The following LRRC4C variants were observed in gnomAD, a reference collection of about 807,000 sequenced individuals.
LRRC4C encodes the protein leucine-rich repeat-containing protein 4C.
A neutral mutation model predicts 33.6 loss-of-function variants in LRRC4C; 5 were observed. That is an observed-to-expected ratio of 0.15 (90% CI 0.08 to 0.31). The LOEUF is 0.31. Among genes scored for constraint, LRRC4C ranks in the 10% least tolerant of loss-of-function variants. LRRC4C has a pLI of 1.00. For missense variants in LRRC4C, 560 were observed against 796.7 expected, an observed-to-expected ratio of 0.70 and a Z score of 3.58; for synonymous variants, 329 against 302.0, an observed-to-expected ratio of 1.09 and a Z score of -0.93.
At chr11:40,913,914 A>G (rs1318336623) in intron 2 of LRRC4C, among the ~76,000 whole-genome samples, 3 of 152,198 alleles carry the variant, frequency 2.0e-5, no homozygotes, top group Non-Finnish European at 4.4e-5. Flanking sequence ...AGAATACTAT[A>G]AACACCTCTA....
intron 3 of LRRC4C, among the ~76,000 whole-genome samples, chr11:40,475,363 A>C (rs1953159634): frequency 6.6e-6 from 1 of 152,136 alleles, no homozygotes; most frequent in Non-Finnish European, 1.5e-5. Flanking sequence ...AGAAAACCAA[A>C]CACCACATAT....
At chr11:41,028,284 A>G (rs1165338824) in intron 1 of LRRC4C, among the ~76,000 whole-genome samples, 1 of 151,626 alleles carries the variant, frequency 6.6e-6, no homozygotes, top group Non-Finnish European at 1.5e-5. Flanking sequence ...AAAATATTCT[A>G]CAAACATTGG....
chr11:40,160,491 A>T (rs1859065017), intron 5 of LRRC4C, among the ~76,000 whole-genome samples: 1 of 152,190 alleles, frequency 6.6e-6, no homozygotes, highest in Non-Finnish European at 1.5e-5. Flanking sequence ...AAAGGTGTCA[A>T]CAAGAAAGCC....
intron 2 of LRRC4C, among the ~76,000 whole-genome samples, chr11:40,767,229 G>C (rs1258825615): frequency 1.3e-4 from 20 of 151,948 alleles, no homozygotes; most frequent in Admixed American, 1.3e-3. Context: ...AAAGACAAAG[G>C]AGGTAATTAT....
At chr11:40,577,286 A>G (rs1247344385) in intron 3 of LRRC4C, among the ~76,000 whole-genome samples, 1 of 152,198 alleles carries the variant, frequency 6.6e-6, no homozygotes, top group African/African-American at 2.4e-5. Flanking sequence ...GCTTCTAGTC[A>G]CTGTACTACA....
intron 3 of LRRC4C, among the ~76,000 whole-genome samples, chr11:40,641,800 G>A (rs1942136112): frequency 6.6e-6 from 1 of 152,180 alleles, no homozygotes; most frequent in South Asian, 2.1e-4. Flanking sequence ...GTGCTGGAGA[G>A]TTTGTTAGCT....
intron 2 of LRRC4C, among the ~76,000 whole-genome samples, chr11:40,921,887 T>C (rs1210217037): frequency 6.6e-6 from 1 of 152,166 alleles, no homozygotes; most frequent in African/African-American, 2.4e-5. Flanking sequence ...ACTCAACAAT[T>C]TGTAGGTTCC....
At chr11:40,800,928 T>C (rs1951015030) in intron 2 of LRRC4C, among the ~76,000 whole-genome samples, 1 of 152,142 alleles carries the variant, frequency 6.6e-6, no homozygotes, top group Non-Finnish European at 1.5e-5. Context: ...GACCATCACA[T>C]CATAATCTTG....
intron 3 of LRRC4C, among the ~76,000 whole-genome samples, chr11:40,548,950 A>G (rs1318356256): frequency 2.6e-5 from 4 of 152,052 alleles, no homozygotes; most frequent in Non-Finnish European, 5.9e-5. Flanking sequence ...TCTGGAACCA[A>G]CTTCTGACTC....
At chr11:40,665,358 ATATATG>A (rs1344517616) in intron 2 of LRRC4C, among the ~76,000 whole-genome samples, 241 of 14,430 alleles carry the variant, frequency 0.017, 11 homozygotes, top group Non-Finnish European at 0.024. Context: ...ATATATATAT[ATATATG>A]TATATATATA....
At chr11:40,890,902 A>C (rs910824025) in intron 2 of LRRC4C, among the ~76,000 whole-genome samples, 1 of 152,292 alleles carries the variant, frequency 6.6e-6, no homozygotes, top group Non-Finnish European at 1.5e-5. Context: ...GAAGAAAGGA[A>C]TCAGAATTTG....
intron 6 of LRRC4C, among the ~76,000 whole-genome samples, chr11:40,138,079 A>G (rs1402711980): frequency 6.6e-6 from 1 of 152,190 alleles, no homozygotes; most frequent in African/African-American, 2.4e-5. Flanking sequence ...AAATCACACA[A>G]TTAGTACTGT....
At chr11:40,754,975 T>A (rs1350313178) in intron 2 of LRRC4C, among the ~76,000 whole-genome samples, 2 of 152,112 alleles carry the variant, frequency 1.3e-5, no homozygotes, top group Non-Finnish European at 2.9e-5. Context: ...TGCTCACACA[T>A]GCTTAAAATG....
intron 5 of LRRC4C, among the ~76,000 whole-genome samples, chr11:40,148,197 T>G (rs918226984): frequency 6.6e-6 from 1 of 151,992 alleles, no homozygotes; most frequent in Non-Finnish European, 1.5e-5. Context: ...GCATGTGTCT[T>G]TGTGGTAGAA....
At chr11:40,621,802 T>C (rs558820989) in intron 3 of LRRC4C, among the ~76,000 whole-genome samples, 40 of 105,416 alleles carry the variant, frequency 3.8e-4, no homozygotes, top group African/African-American at 1.2e-3. Flanking sequence ...CCAGGTATTG[T>C]TGTTTTTTCT....
intron 1 of LRRC4C, among the ~76,000 whole-genome samples, chr11:41,004,264 A>T (rs1239187218): frequency 3.9e-5 from 6 of 152,166 alleles, no homozygotes; most frequent in Non-Finnish European, 8.8e-5. Flanking sequence ...ACAAGCATCA[A>T]ATTTAATGGC....
intron 3 of LRRC4C, among the ~76,000 whole-genome samples, chr11:40,454,325 G>C (rs1366210371): frequency 6.6e-6 from 1 of 151,782 alleles, no homozygotes; most frequent in Non-Finnish European, 1.5e-5. Flanking sequence ...CACTTGTACT[G>C]TATTATCTTT....
intron 3 of LRRC4C, among the ~76,000 whole-genome samples, chr11:40,500,730 G>A (rs537342828): frequency 9.9e-5 from 15 of 152,178 alleles, no homozygotes; most frequent in Admixed American, 9.8e-4. Context: ...TACAATTCAT[G>A]ATGAGATTTG....
chr11:40,973,696 T>C (rs918804911), intron 1 of LRRC4C, among the ~76,000 whole-genome samples: 8 of 152,212 alleles, frequency 5.3e-5, no homozygotes, highest in African/African-American at 1.9e-4. Context: ...CATTTAGAAA[T>C]ATGATTAATG....
Sources: gnomAD v4.1 joint callset for allele counts (sites outside exome capture counted in the v4.1 genomes callset) on GRCh38, gnomAD v4.1.1 for gene constraint, MANE v1.5 for transcripts, NCBI Gene and HGNC (gene_info 2026-07-23, HGNC 2026-07-21) for gene names.